RBFOX1: variants seen among roughly 807,000 people sequenced by gnomAD.
RBFOX1 encodes RNA binding fox-1 homolog 1, also known as RNA binding protein fox-1 homolog 1.
A neutral mutation model predicts 57.7 loss-of-function variants in RBFOX1; 8 were observed. The observed-to-expected ratio is 0.14, with a 90% CI of 0.08 to 0.25. RBFOX1 has a LOEUF of 0.25. RBFOX1 is among the 10% of genes least tolerant of loss of function. The pLI is 1.00. For missense variants in RBFOX1, 611 were observed against 548.5 expected (o/e 1.11, Z -1.14); for synonymous variants, 326 against 222.4 (o/e 1.47, Z -4.15).
At chr16:6,322,916 C>T (rs545901656) in intron 2 of RBFOX1, among the ~76,000 whole-genome samples, 1 of 152,248 alleles carries the variant, frequency 6.6e-6, no homozygotes, top group South Asian at 2.1e-4. Flanking sequence ...CATTGACCAT[C>T]CCATTTGCTT....
chr16:6,383,639 G>A (rs565922448), intron 2 of RBFOX1, among the ~76,000 whole-genome samples: 5 of 152,186 alleles, frequency 3.3e-5, no homozygotes, highest in South Asian at 4.2e-4. Context: ...CGCGTATGGT[G>A]TGTGCCTATA....
At chr16:7,370,468 G>A (rs575293438) in intron 4 of RBFOX1, among the ~76,000 whole-genome samples, 1 of 152,136 alleles carries the variant, frequency 6.6e-6, no homozygotes, top group Non-Finnish European at 1.5e-5. Context: ...AGCGATCTTT[G>A]TTTTTTATCA....
intron 1 of RBFOX1, among the ~76,000 whole-genome samples, chr16:6,072,388 T>C (rs2095848134): frequency 6.6e-6 from 1 of 152,206 alleles, no homozygotes; most frequent in South Asian, 2.1e-4. Flanking sequence ...TTTTGGCTAT[T>C]GTGCTTAATG....
intron 3 of RBFOX1, among the ~76,000 whole-genome samples, chr16:6,923,837 A>T (rs1374421379): frequency 6.6e-6 from 1 of 151,896 alleles, no homozygotes; most frequent in Non-Finnish European, 1.5e-5. Flanking sequence ...AAGTGACTGA[A>T]CCTCTTTGAG....
intron 3 of RBFOX1, among the ~76,000 whole-genome samples, chr16:6,940,603 T>C (rs970393323): frequency 1.3e-5 from 2 of 152,110 alleles, no homozygotes; most frequent in Non-Finnish European, 2.9e-5. Flanking sequence ...TTTGTACACT[T>C]CTTTTCTTTT....
chr16:7,234,283 C>T (rs2093655981), intron 4 of RBFOX1, among the ~76,000 whole-genome samples: 1 of 152,044 alleles, frequency 6.6e-6, no homozygotes, highest in Non-Finnish European at 1.5e-5. Flanking sequence ...CAAAAGAGCT[C>T]ATTTCTCAGT....
chr16:6,980,017 G>A (rs2088253251), intron 3 of RBFOX1, among the ~76,000 whole-genome samples: 1 of 151,782 alleles, frequency 6.6e-6, no homozygotes, highest in South Asian at 2.1e-4. Context: ...CCTTAATGGT[G>A]TCATTATAGT....
chr16:6,101,612 G>A (rs540228368), intron 1 of RBFOX1, among the ~76,000 whole-genome samples: 5 of 152,070 alleles, frequency 3.3e-5, no homozygotes, highest in African/African-American at 1.2e-4. Flanking sequence ...TCACCCTCCG[G>A]AGTAGCTGGG....
chr16:6,655,732 C>T (rs1392696150), intron 3 of RBFOX1, among the ~76,000 whole-genome samples: 1 of 152,154 alleles, frequency 6.6e-6, no homozygotes, highest in East Asian at 1.9e-4. Context: ...TACATACCTC[C>T]TGGCTACTTT....
intron 4 of RBFOX1, among the ~76,000 whole-genome samples, chr16:6,011,033 A>G (rs2094958176): frequency 6.6e-6 from 1 of 152,244 alleles, no homozygotes; most frequent in African/African-American, 2.4e-5. Context: ...GTAAGGTTGC[A>G]TATTTCATCC....
At chr16:6,887,744 C>T (rs763450539) in intron 3 of RBFOX1, among the ~76,000 whole-genome samples, 1 of 151,772 alleles carries the variant, frequency 6.6e-6, no homozygotes, top group Non-Finnish European at 1.5e-5. Context: ...CTTACTGCAA[C>T]CTCTGCCTCC....
intron 3 of RBFOX1, among the ~76,000 whole-genome samples, chr16:5,762,356 G>GA (rs35715399): frequency 3.4e-5 from 5 of 145,776 alleles, no homozygotes; most frequent in Admixed American, 6.8e-5. Flanking sequence ...CGAACAAAAA[G>GA]AAAAAAAAAA....
At chr16:5,631,638 C>T (rs897003553) in intron 3 of RBFOX1, among the ~76,000 whole-genome samples, 1 of 152,092 alleles carries the variant, frequency 6.6e-6, no homozygotes, top group Non-Finnish European at 1.5e-5. Context: ...GACTCCTTTG[C>T]CCTTCTGCAT....
intron 1 of RBFOX1, among the ~76,000 whole-genome samples, chr16:6,177,289 C>T (rs574396943): frequency 6.6e-6 from 1 of 151,886 alleles, no homozygotes; most frequent in South Asian, 2.1e-4. Context: ...CTTTTTCTGC[C>T]CTGTCTTGTT....
intron 1 of RBFOX1, among the ~76,000 whole-genome samples, chr16:5,279,443 T>C (rs150319383): frequency 0.016 from 2,505 of 152,284 alleles, 75 homozygotes; most frequent in African/African-American, 0.058. Flanking sequence ...GATTTTTGTG[T>C]GTTGATTTTG....
chr16:5,846,399 C>T (rs541417528), intron 3 of RBFOX1, among the ~76,000 whole-genome samples: 19 of 150,756 alleles, frequency 1.3e-4, no homozygotes, highest in African/African-American at 4.6e-4. Flanking sequence ...TCTATTACAG[C>T]ATGTTTTATG....
At chr16:6,393,386 G>C (rs536581715) in intron 2 of RBFOX1, among the ~76,000 whole-genome samples, 31 of 152,274 alleles carry the variant, frequency 2.0e-4, no homozygotes, top group Non-Finnish European at 4.1e-4. Flanking sequence ...GGGAAGGACA[G>C]CTGGTCTTTG....
intron 4 of RBFOX1, among the ~76,000 whole-genome samples, chr16:7,276,275 G>A (rs762995939): frequency 1.3e-5 from 2 of 152,038 alleles, no homozygotes; most frequent in Non-Finnish European, 2.9e-5. Flanking sequence ...ATTTCCCCAC[G>A]CCCCATAATG....
intron 5 of RBFOX1, among the ~76,000 whole-genome samples, chr16:7,530,092 T>C (rs986102192): frequency 2.6e-5 from 4 of 151,876 alleles, no homozygotes; most frequent in Non-Finnish European, 5.9e-5. Flanking sequence ...ACAGCTTGGA[T>C]GCTTCAGTGT....
Sources: allele counts gnomAD v4.1 joint callset (sites outside exome capture counted in the v4.1 genomes callset), GRCh38; gene constraint gnomAD v4.1.1; transcripts MANE v1.5; gene names NCBI Gene and HGNC (gene_info 2026-07-23, HGNC 2026-07-21).